IL1RAPL2: variants seen among roughly 807,000 people sequenced by gnomAD.
The protein encoded by IL1RAPL2 is X-linked interleukin-1 receptor accessory protein-like 2.
In IL1RAPL2, 3 loss-of-function variants were observed where a neutral mutation model predicts 44.1. The observed-to-expected ratio is 0.07, with a 90% CI of 0.03 to 0.18. IL1RAPL2 has a LOEUF of 0.18. Among genes scored for constraint, IL1RAPL2 ranks in the 10% least tolerant of loss-of-function variants. IL1RAPL2 has a pLI of 1.00. For missense variants in IL1RAPL2, 391 were observed against 496.4 expected, an observed-to-expected ratio of 0.79 and a Z score of 2.02; for synonymous variants, 181 against 178.8, an observed-to-expected ratio of 1.01 and a Z score of -0.10.
chrX:104,619,693 G>T (rs1929349037), intron 1 of IL1RAPL2, among the ~76,000 whole-genome samples: 1 of 112,122 alleles, frequency 8.9e-6, no homozygotes, highest in African/African-American at 3.2e-5. Flanking sequence ...TGAAGACGTG[G>T]GATGTCCAAT....
chrX:105,122,718 C>T (rs2032937299), intron 2 of IL1RAPL2, among the ~76,000 whole-genome samples: 1 of 111,891 alleles, frequency 8.9e-6, no homozygotes, highest in African/African-American at 3.2e-5. Flanking sequence ...GGGACAAGGA[C>T]CATATTCTTT....
intron 5 of IL1RAPL2, among the ~76,000 whole-genome samples, chrX:105,339,875 C>T (rs923391261): frequency 1.3e-4 from 14 of 111,537 alleles, no homozygotes; most frequent in African/African-American, 4.6e-4. Context: ...CCACTCTGGG[C>T]ACAGGAAATA....
chrX:104,754,584 G>T (rs1461509444), intron 2 of IL1RAPL2, among the ~76,000 whole-genome samples: 1 of 111,480 alleles, frequency 9.0e-6, no homozygotes, highest in African/African-American at 3.3e-5. Flanking sequence ...GAGGGCTGGA[G>T]AATTCATGAA....
At chrX:105,672,957 A>T (rs2147516712) in intron 6 of IL1RAPL2, among the ~76,000 whole-genome samples, 1 of 111,093 alleles carries the variant, frequency 9.0e-6, no homozygotes, top group African/African-American at 3.3e-5. Flanking sequence ...TCTGGTGTAT[A>T]TGAGACACAA....
chrX:104,705,315 G>A (rs778480654), intron 2 of IL1RAPL2, among the ~76,000 whole-genome samples: 1 of 111,034 alleles, frequency 9.0e-6, no homozygotes, highest in Non-Finnish European at 1.9e-5. Flanking sequence ...TGCCTGCAAA[G>A]TTTGCTCTTC....
intron 2 of IL1RAPL2, among the ~76,000 whole-genome samples, chrX:105,172,555 T>C (rs2033432940): frequency 9.0e-6 from 1 of 111,545 alleles, no homozygotes; most frequent in South Asian, 3.8e-4. Flanking sequence ...TTGAGTTTGC[T>C]GGCATTCCTT....
rs1925321005 is a variant in IL1RAPL2, at chrX:104,945,548, A to G, written c.83-249927A>G. 3.6e-5 allele frequency among the ~76,000 whole-genome samples: 4 copies of G among 111,881 alleles called. No homozygotes were observed. The South Asian group carries it at 1.1e-3, about 31-fold the overall frequency. Reference sequence around the variant, plus strand: ...GCTGCTAATTAGAATCAAGTGTATGATATACAGGGCTCATTAATTTCTTTG... The same window carrying G: ...GCTGCTAATTAGAATCAAGTGTATGGTATACAGGGCTCATTAATTTCTTTG... On this transcript the variant is annotated intron_variant, in intron 2 of 10. Coordinates refer to ENST00000372582, the MANE Select transcript of IL1RAPL2 (RefSeq NM_017416.2).
chrX:104,867,986 T>C (rs1922661954), intron 2 of IL1RAPL2, among the ~76,000 whole-genome samples: 1 of 111,534 alleles, frequency 9.0e-6, no homozygotes, highest in Non-Finnish European at 1.9e-5. Context: ...TTTTACACCA[T>C]ATCAAGGGAT....
chrX:105,369,756 G>C (rs1389661413), intron 5 of IL1RAPL2, among the ~76,000 whole-genome samples: 1 of 111,105 alleles, frequency 9.0e-6, no homozygotes, highest in East Asian at 2.8e-4. Context: ...TTGCTGGTAA[G>C]GGCTATAAAA....
intron 2 of IL1RAPL2, among the ~76,000 whole-genome samples, chrX:104,907,561 C>G (rs762844933): frequency 1.4e-4 from 16 of 111,797 alleles, no homozygotes; most frequent in Non-Finnish European, 3.0e-4. Context: ...TCGTTATGTA[C>G]CCAGTCGTCA....
intron 5 of IL1RAPL2, among the ~76,000 whole-genome samples, chrX:105,394,556 C>T (rs1602392418): frequency 9.0e-6 from 1 of 111,012 alleles, no homozygotes; most frequent in Admixed American, 9.6e-5. Context: ...TCTTTCTCTT[C>T]TTCTAACCTA....
chrX:104,986,792 A>G (rs915175365), intron 2 of IL1RAPL2, among the ~76,000 whole-genome samples: 2 of 112,463 alleles, frequency 1.8e-5, no homozygotes, highest in African/African-American at 6.4e-5. Context: ...GACTTCATCA[A>G]TTTATTCTGT....
chrX:105,315,578 G>GTATATATATATATATATATATA lies in IL1RAPL2; in HGVS notation c.697+48039_697+48060dup, dbSNP rs771525814. Among the ~76,000 whole-genome samples, 122 of 21,806 alleles carry GTATATATATATATATATATATA rather than the reference G, an allele frequency of 5.6e-3. 25 individuals carry two copies. The highest frequency in any genetic ancestry group is 8.6e-3 in the Non-Finnish European group (52 of 6,044). 18.9% of individuals were successfully genotyped at this position (21,806 alleles called of 115,157 possible). ...CCCTAGAGGGACAGAACTAATGGAT[G>GTATATATATATATATATATATA]TATATATATATATATATATATATGG... On this transcript the variant is annotated intron_variant, in intron 5 of 10. Coordinates refer to ENST00000372582, the MANE Select transcript of IL1RAPL2 (RefSeq NM_017416.2).
rs149924808 is a variant in IL1RAPL2, at chrX:105,736,232, A to C, written c.903-4314A>C. Among the ~76,000 whole-genome samples the C allele has an allele frequency of 1.9e-4, 21 of 111,680 alleles. No homozygotes were observed. The East Asian group carries it at 5.9e-3, about 32-fold the overall frequency. ...ACAAAGATCAACTCAAGATGAATTA[A>C]ATACTTAAGTGTAAAACCAAAAACT... On this transcript the variant is annotated intron_variant, in intron 7 of 10. Transcript: ENST00000372582.
At chrX:105,401,662 A>G (rs1394455746) in intron 5 of IL1RAPL2, among the ~76,000 whole-genome samples, 3 of 110,767 alleles carry the variant, frequency 2.7e-5, no homozygotes, top group Non-Finnish European at 5.7e-5. Flanking sequence ...GAAGTTATGA[A>G]GGTATCTAGA....
chrX:105,505,865 C>T (rs1413548555), intron 6 of IL1RAPL2, among the ~76,000 whole-genome samples: 2 of 111,721 alleles, frequency 1.8e-5, no homozygotes, highest in African/African-American at 6.5e-5. Context: ...TTATGAGGAT[C>T]CTGGTTAAAA....
At chrX:105,661,508 T>C (rs1433307124) in intron 6 of IL1RAPL2, among the ~76,000 whole-genome samples, 2 of 112,381 alleles carry the variant, frequency 1.8e-5, no homozygotes, top group Non-Finnish European at 3.8e-5. Flanking sequence ...TTCTCAAGGA[T>C]AGACCATATG....
At chrX:105,229,086 C>T (rs781928992) in intron 3 of IL1RAPL2, among the ~76,000 whole-genome samples, 1 of 111,947 alleles carries the variant, frequency 8.9e-6, no homozygotes, top group African/African-American at 3.2e-5. Flanking sequence ...AATACCATCT[C>T]CATTCTTGCA....
At chrX:104,823,547 C>A (rs1308824159) in intron 2 of IL1RAPL2, among the ~76,000 whole-genome samples, 3 of 107,658 alleles carry the variant, frequency 2.8e-5, no homozygotes, top group Non-Finnish European at 5.8e-5. Flanking sequence ...GTGAATAATG[C>A]CGCAATAAAC....
Sources: gnomAD v4.1 joint callset for allele counts (sites outside exome capture counted in the v4.1 genomes callset) on GRCh38, gnomAD v4.1.1 for gene constraint, MANE v1.5 for transcripts, NCBI Gene and HGNC (gene_info 2026-07-23, HGNC 2026-07-21) for gene names.